NOP9: variants seen among roughly 807,000 people sequenced by gnomAD.
NOP9 encodes the protein NOP9 nucleolar protein, also known as nucleolar protein 9.
A neutral mutation model predicts 63.0 loss-of-function variants in NOP9; 50 were observed. The ratio of observed to expected loss-of-function variants is 0.79; its 90% confidence interval spans 0.63 to 1.00. The LOEUF (loss-of-function observed/expected upper bound fraction) is 1.00, where lower values mean the gene tolerates loss of function less well. NOP9 is among the 50% of genes least tolerant of loss of function. The pLI is 0.00. For synonymous variants in NOP9, 343 were observed against 332.8 expected (o/e 1.03, Z -0.33); for missense variants, 758 against 803.0 (o/e 0.94, Z 0.68).
chr14:24,273,046 A>G, the NOP9 span, among the ~76,000 whole-genome samples: 1 of 152,138 alleles, frequency 6.6e-6, no homozygotes, highest in African/African-American at 2.4e-5. Flanking sequence ...TGGAGCCTTT[A>G]TGAGGTTCAG....
chr14:24,289,435 G>A, the NOP9 span, among the ~76,000 whole-genome samples: 13,013 of 152,178 alleles, frequency 0.086, 616 homozygotes, highest in African/African-American at 0.13. Flanking sequence ...CCCATTGGTG[G>A]ATTTTAATGA....
chr14:24,274,264 C>A, the NOP9 span, among the ~76,000 whole-genome samples: 1 of 152,136 alleles, frequency 6.6e-6, no homozygotes, highest in African/African-American at 2.4e-5. Context: ...TCACTAATCA[C>A]ATTGTGATTA....
In NOP9 at chr14:24,305,294, G is replaced by T. The variant is rs560250067; in HGVS notation, c.*199G>T. 7 of 615,736 alleles carry T rather than the reference G, an allele frequency of 1.1e-5. No homozygotes were observed. The East Asian group carries it at 1.9e-4, about 16-fold the overall frequency. 38.1% of individuals were successfully genotyped at this position (615,736 alleles called of 1,614,324 possible). On this transcript the variant is annotated 3_prime_UTR_variant, in exon 10 of 10. Transcript: ENST00000267425. ...AGTCAGAGAGGGCTGTCATCAGTAT[G>T]CTGGGGAGTTTAGGGACAGGAGGCA...
the NOP9 span, chr14:24,292,879 T>C: frequency 6.8e-7 from 1 of 1,471,098 alleles, no homozygotes; most frequent in Non-Finnish European, 9.0e-7. Context: ...CTGGTGGTTG[T>C]TGTCCACTAG....
rs1386164496 is a variant in NOP9, at chr14:24,305,937, G to A, written c.*842G>A. The A allele has an allele frequency of 6.2e-7, 1 of 1,611,086 alleles. No homozygotes were observed. Among genetic ancestry groups the A allele is most frequent in the Admixed American group, 1.7e-5 (1 of 59,888 alleles). ...AGGGGATGGGGCAGTATGACATGTT[G>A]ATTTCTGACCTGAGTACTTTCTTTG... On this transcript the variant is annotated 3_prime_UTR_variant, in exon 10 of 10. Coordinates refer to ENST00000267425, the MANE Select transcript of NOP9 (RefSeq NM_174913.3).
At chr14:24,296,471 G>A (rs746761446), upstream of NOP9, 14 of 1,607,402 alleles carry the variant, frequency 8.7e-6, no homozygotes, top group South Asian at 1.3e-4. Context: ...TTGGCTAAGT[G>A]AGTGAGGGAA....
chr14:24,292,550 G>C, the NOP9 span: 3 of 1,594,410 alleles, frequency 1.9e-6, no homozygotes, highest in Non-Finnish European at 2.6e-6. Flanking sequence ...GAGCTGAGAG[G>C]AGCCAGCCTT....
At chr14:24,289,923 C>A in the NOP9 span, among the ~76,000 whole-genome samples, 1 of 152,240 alleles carries the variant, frequency 6.6e-6, no homozygotes, top group African/African-American at 2.4e-5. Context: ...GGGGAAGCCT[C>A]AGCTCTCACT....
chr14:24,304,409 C>T (rs1244311876), intron 8 of NOP9, 84 bp from the exon 9 acceptor site: 2 of 1,379,926 alleles, frequency 1.4e-6, no homozygotes, highest in Non-Finnish European at 2.0e-6. Flanking sequence ...CCCTTAAACT[C>T]TTCAGAAAAT....
At chr14:24,297,114 TACAA>T (rs1051618246), upstream of NOP9, among the ~76,000 whole-genome samples, 3 of 152,228 alleles carry the variant, frequency 2.0e-5, no homozygotes, top group African/African-American at 7.2e-5. Context: ...TTTAATAATC[TACAA>T]ACATTTACTG....
At chr14:24,292,063 C>G in the NOP9 span, 1 of 1,229,980 alleles carries the variant, frequency 8.1e-7, no homozygotes, top group African/African-American at 1.5e-5. Flanking sequence ...ATGTGTGTCC[C>G]ATGCTCAGCC....
chr14:24,289,345 T>C, the NOP9 span, among the ~76,000 whole-genome samples: 1 of 152,164 alleles, frequency 6.6e-6, no homozygotes. Context: ...CAGGTTGGTC[T>C]CAAACTTCTG....
chr14:24,300,812 A>C lies in NOP9; in HGVS notation c.652A>C (p.Ile218Leu), dbSNP rs376412304. 5 of 1,614,186 alleles carry C rather than the reference A, an allele frequency of 3.1e-6. No homozygotes were observed. The highest frequency in any genetic ancestry group is 2.2e-5 in the East Asian group (1 of 44,886). ...RTLLQVLGGT[I>L]LESERARPRG... is the part of the protein sequence containing the mutation. ...TCTGCTTCAGGTGTTAGGAGGGACT[A>C]TTCTGGAGTCTGAGAGAGCCAGGCC... Residue 218 changes from isoleucine (I) to leucine (L), a missense_variant, in exon 2 of 10, where the codon ATT becomes CTT. Physicochemically the swap from Ile to Leu is conservative, Grantham distance 5 (BLOSUM62 2). Coordinates refer to ENST00000267425, the MANE Select transcript of NOP9 (RefSeq NM_174913.3).
At position 24,300,207 on chromosome 14, in the gene NOP9, C is replaced by T; in HGVS notation, c.247+6C>T. On this transcript the variant is annotated splice_donor_region_variant and intron_variant, in intron 1 of 9. Transcript: ENST00000267425. ...CGAGACTGGGGAAGAACGAGGTAGGCAGCAACTTCGGGGTTTAGACCAAGA... is the reference window on the plus strand; with the variant it reads ...CGAGACTGGGGAAGAACGAGGTAGGTAGCAACTTCGGGGTTTAGACCAAGA... The T allele has an allele frequency of 6.2e-7, 1 of 1,613,218 alleles. No homozygotes were observed. The highest frequency in any genetic ancestry group is 8.5e-7 in the Non-Finnish European group (1 of 1,179,358).
the NOP9 span, among the ~76,000 whole-genome samples, chr14:24,289,723 T>C: frequency 0.4 from 60,828 of 152,190 alleles, 13,291 homozygotes; most frequent in Middle Eastern, 0.58. Flanking sequence ...TTTGTGGACT[T>C]TCATGGGACA....
chr14:24,276,043 A>G, the NOP9 span, among the ~76,000 whole-genome samples: 2 of 151,936 alleles, frequency 1.3e-5, no homozygotes, highest in Non-Finnish European at 2.9e-5. Flanking sequence ...GAGGAACTGA[A>G]TTTTTCATTT....
At chr14:24,299,013 C>G (rs1421341286), upstream of NOP9, 1 of 1,613,944 alleles carries the variant, frequency 6.2e-7, no homozygotes, top group Non-Finnish European at 8.5e-7. Context: ...TAAACTGTGG[C>G]GCCTGCTTTG....
At chr14:24,303,277 A>T in intron 6 of NOP9, 63 bp downstream of exon 6, 4 of 1,600,014 alleles carry the variant, frequency 2.5e-6, no homozygotes, top group Non-Finnish European at 3.4e-6. Flanking sequence ...TTTAGGACTT[A>T]TCTAATCTTA....
rs1594631994 is a variant in NOP9, at chr14:24,308,854, T to C, written c.*3759T>C. 1 of 152,242 alleles carries C rather than the reference T, an allele frequency of 6.6e-6. No individual in the cohort carries two copies. Among genetic ancestry groups the C allele is most frequent in the South Asian group, 2.1e-4 (1 of 4,834 alleles). The allele number at this position is 152,242 out of a possible 1,614,324, so 9.4% of individuals were successfully genotyped here. A position where few individuals can be genotyped will look rare whatever the true frequency, so the allele number is the denominator to read the frequency against. ...TCCTGACAAAGAAACACAGAGTAACTTGATTGCCCTGTGACCTGGCCAGTT... is the reference window on the plus strand; with the variant it reads ...TCCTGACAAAGAAACACAGAGTAACCTGATTGCCCTGTGACCTGGCCAGTT... On this transcript the variant is annotated 3_prime_UTR_variant, in exon 10 of 10. Coordinates refer to ENST00000267425, the MANE Select transcript of NOP9 (RefSeq NM_174913.3).
Sources: gnomAD v4.1 joint callset for allele counts (sites outside exome capture counted in the v4.1 genomes callset) on GRCh38, gnomAD v4.1.1 for gene constraint, MANE v1.5 for transcripts, NCBI Gene and HGNC (gene_info 2026-07-23, HGNC 2026-07-21) for gene names.